Variants in CPNE4 observed in about 807,000 individuals in gnomAD.
The protein encoded by CPNE4 is copine 4.
A neutral mutation model predicts 67.9 loss-of-function variants in CPNE4; 25 were observed. The observed-to-expected ratio is 0.37, with a 90% CI of 0.27 to 0.51. CPNE4 has a LOEUF of 0.51. Ranked by LOEUF, CPNE4 falls within the 20% of genes least tolerant of loss-of-function variation. The probability of loss-of-function intolerance (pLI) is 0.93; values close to 1 mark genes in which losing one functional copy is unlikely to be tolerated. For synonymous variants in CPNE4, 242 were observed against 244.9 expected, an observed-to-expected ratio of 0.99 and a Z score of 0.11; for missense variants, 464 against 690.8, an observed-to-expected ratio of 0.67 and a Z score of 3.68.
chr3:131,741,521 G>A (rs1474152538), intron 2 of CPNE4, among the ~76,000 whole-genome samples: 1 of 152,120 alleles, frequency 6.6e-6, no homozygotes, highest in Non-Finnish European at 1.5e-5. Context: ...GAGGGTTGGG[G>A]GCAAGGTATT....
At chr3:131,658,399 G>C (rs1274524473) in intron 7 of CPNE4, among the ~76,000 whole-genome samples, 1 of 152,178 alleles carries the variant, frequency 6.6e-6, no homozygotes, top group Non-Finnish European at 1.5e-5. Context: ...ATGTGGGATT[G>C]ATGATCATTC....
At position 131,996,735 on chromosome 3, in the gene CPNE4, T is replaced by A. The variant is rs535466492; in HGVS notation, c.-2+37832A>T. 3.6e-4 allele frequency among the ~76,000 whole-genome samples: 55 copies of A among 152,154 alleles called. No individual in the cohort carries two copies. In the South Asian group the frequency reaches 0.011, roughly 30 times the overall value. The stretch of plus-strand genomic sequence containing the variant: ...AATCCTCAGGCTCATGGGATTTCAT[T>A]GTCATAGTTCTGTACGGCGTGTTCT... On this transcript the variant is annotated intron_variant, in intron 1 of 15. Transcript: ENST00000429747.
chr3:131,930,994 G>A lies in CPNE4; in HGVS notation c.-1-25550C>T, dbSNP rs2071044268. The stretch of plus-strand genomic sequence containing the variant: ...AGAATGAGCTCACCCTTACAGGATG[G>A]TAAGGGTGTTGATCAGAAATATTTC... On this transcript the variant is annotated intron_variant, in intron 1 of 15. Transcript: ENST00000429747. Among the ~76,000 whole-genome samples, 3 of 152,086 alleles carry A rather than the reference G, an allele frequency of 2.0e-5. No individual in the cohort carries two copies. In the South Asian group the frequency reaches 6.2e-4, roughly 32 times the overall value.
At chr3:132,037,970 G>T, upstream of CPNE4, 2 of 172,574 alleles carry the variant, frequency 1.2e-5, no homozygotes, top group East Asian at 1.5e-4. Context: ...ATTTAGTTTT[G>T]AAATGGAATT....
intron 1 of CPNE4, among the ~76,000 whole-genome samples, chr3:132,003,859 C>T (rs927585878): frequency 6.6e-6 from 1 of 152,018 alleles, no homozygotes; most frequent in Non-Finnish European, 1.5e-5. Context: ...AGCTAGGGGC[C>T]ATGGAAGCTG....
At chr3:131,952,683 C>A (rs1301073641) in intron 1 of CPNE4, among the ~76,000 whole-genome samples, 1 of 150,834 alleles carries the variant, frequency 6.6e-6, no homozygotes, top group East Asian at 2.0e-4. Context: ...TCTGCCCGGC[C>A]GCCCCTACTG....
intron 7 of CPNE4, among the ~76,000 whole-genome samples, chr3:131,650,177 T>C (rs1176751542): frequency 1.3e-5 from 2 of 152,218 alleles, no homozygotes. Context: ...TAATTAGATA[T>C]AATTCAAGTG....
At position 131,767,776 on chromosome 3, in the gene CPNE4, ATATTTATT is replaced by A. The variant is rs72170030; in HGVS notation, c.181-44159_181-44152del. Among the ~76,000 whole-genome samples, 348 of 149,802 alleles carry A rather than the reference ATATTTATT, an allele frequency of 2.3e-3. 5 individuals carry two copies. Among genetic ancestry groups the A allele is most frequent in the South Asian group, 0.02 (95 of 4,686 alleles). Reference sequence around the variant, plus strand: ...CCCCAAACATTCACACTCAGATTATATATTTATTTATTTATTTATTTATTTATTTTTTA... The same window carrying A: ...CCCCAAACATTCACACTCAGATTATATATTTATTTATTTATTTATTTTTTA... On this transcript the variant is annotated intron_variant, in intron 2 of 15. Coordinates refer to ENST00000429747, the MANE Select transcript of CPNE4 (RefSeq NM_130808.3).
chr3:131,750,173 T>C (rs2082590485), intron 2 of CPNE4, among the ~76,000 whole-genome samples: 1 of 152,158 alleles, frequency 6.6e-6, no homozygotes, highest in South Asian at 2.1e-4. Context: ...CACCTGACAT[T>C]TGCGGGACAC....
At chr3:131,941,113 T>C (rs1489892040) in intron 1 of CPNE4, among the ~76,000 whole-genome samples, 1 of 152,106 alleles carries the variant, frequency 6.6e-6, no homozygotes, top group Non-Finnish European at 1.5e-5. Flanking sequence ...GTGAGTGGAA[T>C]GCTGGAGCTG....
chr3:131,742,540 T>C (rs541467450), intron 2 of CPNE4, among the ~76,000 whole-genome samples: 15 of 152,322 alleles, frequency 9.8e-5, no homozygotes, highest in Non-Finnish European at 1.9e-4. Context: ...TAATTGCATG[T>C]ATACATATAT....
intron 15 of CPNE4, among the ~76,000 whole-genome samples, chr3:131,536,564 T>G (rs753779255): frequency 1.2e-4 from 18 of 152,262 alleles, no homozygotes; most frequent in Non-Finnish European, 2.4e-4. Context: ...CACTTGGCCA[T>G]TTAACTTTAC....
chr3:131,729,982 A>C (rs548580699), intron 2 of CPNE4, among the ~76,000 whole-genome samples: 1 of 152,360 alleles, frequency 6.6e-6, no homozygotes, highest in Admixed American at 6.5e-5. Context: ...AGGCACTTAC[A>C]TGTTATCTTC....
chr3:131,988,458 A>C (rs1401866870), intron 1 of CPNE4, among the ~76,000 whole-genome samples: 1 of 152,230 alleles, frequency 6.6e-6, no homozygotes, highest in Non-Finnish European at 1.5e-5. Context: ...GGCCAGAAAG[A>C]GGGTCAGTCT....
chr3:131,916,209 A>G (rs558691782), intron 1 of CPNE4, among the ~76,000 whole-genome samples: 1 of 152,290 alleles, frequency 6.6e-6, no homozygotes, highest in Non-Finnish European at 1.5e-5. Context: ...AAATTTACCA[A>G]GTAGAAAGAT....
At chr3:131,727,281 T>C (rs2082022751) in intron 2 of CPNE4, among the ~76,000 whole-genome samples, 1 of 152,108 alleles carries the variant, frequency 6.6e-6, no homozygotes, top group African/African-American at 2.4e-5. Flanking sequence ...ATATTGCTTC[T>C]CATGAGAAGC....
chr3:131,998,787 T>G (rs1363273185), intron 1 of CPNE4, among the ~76,000 whole-genome samples: 2 of 152,142 alleles, frequency 1.3e-5, no homozygotes, highest in Admixed American at 6.6e-5. Flanking sequence ...CCTTATCCCA[T>G]GATTATTGAG....
At chr3:131,708,928 T>TA (rs1218134101) in intron 3 of CPNE4, among the ~76,000 whole-genome samples, 5 of 124,348 alleles carry the variant, frequency 4.0e-5, no homozygotes, top group Admixed American at 9.4e-5. Context: ...TAATTCATTC[T>TA]AAAAAAAATC....
intron 1 of CPNE4, among the ~76,000 whole-genome samples, chr3:131,984,723 G>A (rs1474376241): frequency 6.6e-6 from 1 of 152,192 alleles, no homozygotes; most frequent in Non-Finnish European, 1.5e-5. Context: ...TACATGGAAG[G>A]TTGTAGTGCC....
Sources: gnomAD v4.1 joint callset for allele counts (sites outside exome capture counted in the v4.1 genomes callset) on GRCh38, gnomAD v4.1.1 for gene constraint, MANE v1.5 for transcripts, NCBI Gene and HGNC (gene_info 2026-07-23, HGNC 2026-07-21) for gene names.